The following PRKCA variants were observed in gnomAD, a reference collection of about 807,000 sequenced individuals.
The protein encoded by PRKCA is protein kinase C alpha.
PRKCA carries 27 observed loss-of-function variants against 87.0 expected under a neutral mutation model. The observed-to-expected ratio is 0.31, with a 90% CI of 0.23 to 0.43. The LOEUF (loss-of-function observed/expected upper bound fraction) is 0.43. Ranked by LOEUF, PRKCA falls within the 20% of genes least tolerant of loss-of-function variation. PRKCA has a pLI of 1.00. For synonymous variants in PRKCA, 329 were observed against 311.1 expected, an observed-to-expected ratio of 1.06 and a Z score of -0.61; for missense variants, 518 against 852.3, an observed-to-expected ratio of 0.61 and a Z score of 4.88.
chr17:66,399,138 T>C (rs1910867218), intron 2 of PRKCA, among the ~76,000 whole-genome samples: 1 of 149,002 alleles, frequency 6.7e-6, no homozygotes, highest in Admixed American at 6.8e-5. Context: ...TTGCTCTGTC[T>C]TCCGGGCTGG....
chr17:66,321,716 G>T (rs1905675985), intron 2 of PRKCA, among the ~76,000 whole-genome samples: 1 of 152,094 alleles, frequency 6.6e-6, no homozygotes, highest in African/African-American at 2.4e-5. Context: ...GCTAATTTTT[G>T]TATTTTTAGT....
At chr17:66,747,725 C>T (rs1470975981) in intron 13 of PRKCA, among the ~76,000 whole-genome samples, 1 of 152,250 alleles carries the variant, frequency 6.6e-6, no homozygotes, top group Non-Finnish European at 1.5e-5. Context: ...CTTATCTCAA[C>T]GTGAATCAGG....
intron 3 of PRKCA, among the ~76,000 whole-genome samples, chr17:66,607,542 C>G (rs1349535773): frequency 6.6e-6 from 1 of 152,210 alleles, no homozygotes; most frequent in Admixed American, 6.5e-5. Flanking sequence ...ATTTTCTCCT[C>G]CCTTATGTCT....
intron 3 of PRKCA, among the ~76,000 whole-genome samples, chr17:66,515,228 C>T (rs1194390731): frequency 5.5e-5 from 8 of 146,482 alleles, no homozygotes; most frequent in Admixed American, 2.1e-4. Context: ...GCCAAGATTG[C>T]GCCGCTGCAC....
At chr17:66,376,833 A>C (rs1909447276) in intron 2 of PRKCA, among the ~76,000 whole-genome samples, 1 of 151,988 alleles carries the variant, frequency 6.6e-6, no homozygotes, top group Non-Finnish European at 1.5e-5. Flanking sequence ...GCTTCTGCAT[A>C]GCTCCTTGTT....
chr17:66,456,790 A>G (rs1334103079), intron 2 of PRKCA, among the ~76,000 whole-genome samples: 1 of 152,180 alleles, frequency 6.6e-6, no homozygotes, highest in African/African-American at 2.4e-5. Flanking sequence ...GCCACACCAT[A>G]TTTCTGTCCT....
intron 2 of PRKCA, among the ~76,000 whole-genome samples, chr17:66,481,814 G>A (rs1368642454): frequency 1.3e-5 from 2 of 151,984 alleles, no homozygotes; most frequent in Admixed American, 6.6e-5. Flanking sequence ...TTTTGAAAGT[G>A]GGTTGGGGCT....
chr17:66,787,497 T>C (rs1359823044), intron 15 of PRKCA, among the ~76,000 whole-genome samples: 2 of 152,242 alleles, frequency 1.3e-5, no homozygotes, highest in South Asian at 2.1e-4. Context: ...TTAGAAAGTA[T>C]GTGCTCTCGT....
chr17:66,493,723 G>A (rs878950965), intron 2 of PRKCA, among the ~76,000 whole-genome samples: 1 of 152,064 alleles, frequency 6.6e-6, no homozygotes. Context: ...CATGTGAAGG[G>A]ACCCAGTACA....
intron 2 of PRKCA, among the ~76,000 whole-genome samples, chr17:66,321,384 A>T (rs904465608): frequency 2.0e-5 from 3 of 152,136 alleles, no homozygotes; most frequent in Non-Finnish European, 4.4e-5. Flanking sequence ...AGAAATGACC[A>T]CAGCTGATTT....
intron 13 of PRKCA, among the ~76,000 whole-genome samples, chr17:66,750,596 G>A (rs183764930): frequency 1.3e-5 from 2 of 152,234 alleles, no homozygotes; most frequent in African/African-American, 4.8e-5. Context: ...CACCTTCTGC[G>A]ATATTGTGGT....
intron 3 of PRKCA, among the ~76,000 whole-genome samples, chr17:66,521,790 C>T (rs1967169759): frequency 6.6e-6 from 1 of 152,124 alleles, no homozygotes; most frequent in African/African-American, 2.4e-5. Context: ...GGATTTATGC[C>T]ATATGTGTGA....
At chr17:66,379,118 G>A (rs1909642860) in intron 2 of PRKCA, among the ~76,000 whole-genome samples, 1 of 152,134 alleles carries the variant, frequency 6.6e-6, no homozygotes, top group African/African-American at 2.4e-5. Context: ...ACATTCAGTT[G>A]TGCATGAGTT....
At chr17:66,336,559 C>G (rs1050234050) in intron 2 of PRKCA, among the ~76,000 whole-genome samples, 6 of 130,014 alleles carry the variant, frequency 4.6e-5, no homozygotes, top group African/African-American at 1.5e-4. Flanking sequence ...ATTCATTGTG[C>G]TTTGCTCTTT....
chr17:66,429,057 G>A (rs1275627355), intron 2 of PRKCA, among the ~76,000 whole-genome samples: 2 of 151,948 alleles, frequency 1.3e-5, no homozygotes, highest in Non-Finnish European at 2.9e-5. Flanking sequence ...TTGTCAGCAG[G>A]AGATTTCTTT....
At chr17:66,790,383 C>A (rs1365692702) in intron 16 of PRKCA, among the ~76,000 whole-genome samples, 1 of 152,172 alleles carries the variant, frequency 6.6e-6, no homozygotes, top group African/African-American at 2.4e-5. Context: ...CCCGCCTTTT[C>A]TTTAGTCAGC....
intron 5 of PRKCA, among the ~76,000 whole-genome samples, chr17:66,674,138 G>A (rs1972263343): frequency 1.3e-5 from 2 of 152,250 alleles, no homozygotes; most frequent in Non-Finnish European, 2.9e-5. Flanking sequence ...CCCTGGGGGA[G>A]TGATCCCTGG....
chr17:66,444,395 A>G (rs954973414), intron 2 of PRKCA, among the ~76,000 whole-genome samples: 5 of 152,140 alleles, frequency 3.3e-5, no homozygotes, highest in Non-Finnish European at 5.9e-5. Flanking sequence ...TCATAGTTTA[A>G]TGGGCCGCCT....
intron 13 of PRKCA, among the ~76,000 whole-genome samples, chr17:66,748,318 T>C (rs1029027813): frequency 1.3e-5 from 2 of 152,244 alleles, no homozygotes; most frequent in East Asian, 1.9e-4. Flanking sequence ...TTGTTCCAAG[T>C]TGGCCCTAAC....
Sources: gnomAD v4.1 joint callset for allele counts (sites outside exome capture counted in the v4.1 genomes callset) on GRCh38, gnomAD v4.1.1 for gene constraint, MANE v1.5 for transcripts, NCBI Gene and HGNC (gene_info 2026-07-23, HGNC 2026-07-21) for gene names.